Variants in GNAL observed in about 807,000 individuals in gnomAD.
The protein encoded by GNAL is G protein subunit alpha L.
Under a neutral mutation model 55.1 loss-of-function variants are expected in GNAL, and 18 were observed. The ratio of observed to expected loss-of-function variants is 0.33; its 90% CI spans 0.23 to 0.48. GNAL has a LOEUF of 0.48. Ranked by LOEUF, GNAL falls within the 20% of genes least tolerant of loss-of-function variation. The probability of loss-of-function intolerance (pLI) is 0.99; values close to 1 mark genes in which losing one functional copy is unlikely to be tolerated. For synonymous variants in GNAL, 253 were observed against 237.0 expected (o/e 1.07, Z -0.62); for missense variants, 412 against 614.1 (o/e 0.67, Z 3.48).
rs1282273831 is a variant in GNAL at position 11,876,688 on chromosome 18, G to A, written c.1230G>A (p.Leu410=). Residue 410 remains leucine, a splice_region_variant and synonymous_variant, in exon 11 of 12, where the codon TTG becomes TTA. Coordinates refer to ENST00000334049, the MANE Select transcript of GNAL (RefSeq NM_182978.4). ...AGTTCTTTATCCGGGACCTGTTTTT[G>A]GTAAGCAATTTTGTTAACCTTTGTT... The part of the protein sequence containing the change: ...RAKFFIRDLF[L]RISTATGDGK... 1 of 1,585,552 alleles carries A rather than the reference G, an allele frequency of 6.3e-7. No homozygotes were observed. Among genetic ancestry groups the A allele is most frequent in the African/African-American group, 1.3e-5 (1 of 74,412 alleles).
rs1008171862 is a variant in GNAL, at chr18:11,717,364, C to T, written c.376+27425C>T. On this transcript the variant is annotated intron_variant, in intron 1 of 11. Coordinates refer to ENST00000334049, the MANE Select transcript of GNAL (RefSeq NM_182978.4). ...GAAGGGGGCTCCCACAGTGCAGTGG[C>T]GGGTTGAAGGGCTCCTCAAGTGCCG... Among the ~76,000 whole-genome samples, 12 of 152,318 alleles carry T rather than the reference C, an allele frequency of 7.9e-5. No homozygotes were observed. The East Asian group carries it at 1.5e-3, about 20-fold the overall frequency.
At chr18:11,729,154 T>C (rs2076038993) in intron 1 of GNAL, among the ~76,000 whole-genome samples, 1 of 152,158 alleles carries the variant, frequency 6.6e-6, no homozygotes, top group Admixed American at 6.6e-5. Context: ...ATTTAGAATA[T>C]GAAGACTGTG....
At chr18:11,719,476 G>A (rs1269609655) in intron 1 of GNAL, among the ~76,000 whole-genome samples, 1 of 152,144 alleles carries the variant, frequency 6.6e-6, no homozygotes, top group Non-Finnish European at 1.5e-5. Context: ...TGATGACACT[G>A]GCATTTTATT....
At position 11,752,349 on chromosome 18, in the gene GNAL, G is replaced by A. The variant is rs2032874700; in HGVS notation, c.377-504G>A. On this transcript the variant is annotated intron_variant, in intron 1 of 11. Transcript: ENST00000334049. This position sits in a 1 kb window ranked among gnomAD's most constrained non-coding sequence, Gnocchi z 4.5. The stretch of plus-strand genomic sequence containing the variant: ...TTCAGCAGCAGGAAAGAGAGGAGCC[G>A]TCGCAGGAGCCGCACACGTCTCCAA... 2 of 1,499,186 alleles carry A rather than the reference G, an allele frequency of 1.3e-6. No homozygotes were observed. Among genetic ancestry groups the A allele is most frequent in the African/African-American group, 2.9e-5 (2 of 68,632 alleles). The allele number at this position is 1,499,186 out of a possible 1,614,324, so 92.9% of individuals were successfully genotyped here.
intron 4 of GNAL, among the ~76,000 whole-genome samples, chr18:11,803,537 T>C (rs2034572575): frequency 6.6e-6 from 1 of 152,368 alleles, no homozygotes; most frequent in Middle Eastern, 3.4e-3. Context: ...TATATTATCT[T>C]TATTATTATT....
chr18:11,864,724 A>G lies in GNAL; in HGVS notation c.851+118A>G, dbSNP rs2855642. 67,068 of 701,764 alleles carry G rather than the reference A, an allele frequency of 0.096. 4,217 individuals carry two copies. Among genetic ancestry groups the G allele is most frequent in the African/African-American group, 0.24 (13,651 of 57,114 alleles). 43.5% of individuals were successfully genotyped at this position (701,764 alleles called of 1,614,324 possible). A position where few individuals can be genotyped will look rare whatever the true frequency, so the allele number is the denominator to read the frequency against. ...GTGCATGGCAGCCCTTTCAGGTAAG[A>G]GCAGCTGGGGTGAAATTTGAACTCT... On this transcript the variant is annotated intron_variant, in intron 7 of 11. Coordinates refer to ENST00000334049, the MANE Select transcript of GNAL (RefSeq NM_182978.4).
chr18:11,865,939 G>T (rs1237911872), intron 7 of GNAL, among the ~76,000 whole-genome samples: 1 of 149,046 alleles, frequency 6.7e-6, no homozygotes, highest in African/African-American at 2.6e-5. Flanking sequence ...GTCCCTTAAA[G>T]CAAGAGTTTC....
chr18:11,794,164 G>A (rs1411129092), intron 4 of GNAL, among the ~76,000 whole-genome samples: 1 of 152,204 alleles, frequency 6.6e-6, no homozygotes, highest in Middle Eastern at 3.2e-3. Context: ...GTGCAGAATG[G>A]TGTAGCCACT....
rs1435644275 is a variant in GNAL at position 11,691,095 on chromosome 18, A to G, written c.376+1156A>G. 5.3e-5 allele frequency among the ~76,000 whole-genome samples: 8 copies of G among 150,314 alleles called. No homozygotes were observed. In the East Asian group the frequency reaches 1.4e-3, roughly 25 times the overall value. ...CCACCAACAGTGTAAAAGTGTTCCT[A>G]TTTCTCCACATCCTCTCCAGCACCT... On this transcript the variant is annotated intron_variant, in intron 1 of 11. Transcript: ENST00000334049.
intron 1 of GNAL, chr18:11,747,050 T>C: frequency 2.2e-6 from 1 of 457,446 alleles, no homozygotes; most frequent in Admixed American, 2.3e-5. Context: ...TTATGTATAT[T>C]TTCATGAGGC....
intron 1 of GNAL, among the ~76,000 whole-genome samples, chr18:11,692,576 G>C (rs2031283922): frequency 6.6e-6 from 1 of 151,996 alleles, no homozygotes; most frequent in East Asian, 1.9e-4. Flanking sequence ...GGATATGCAA[G>C]TACTCAAAGT....
chr18:11,874,594 CA>C (rs550351415), intron 10 of GNAL, among the ~76,000 whole-genome samples: 1 of 25,988 alleles, frequency 3.8e-5, no homozygotes, highest in Admixed American at 3.9e-4. Context: ...GGCTCCGTCT[CA>C]AAAAAACAAA....
At chr18:11,723,313 T>A (rs1598412137) in intron 1 of GNAL, among the ~76,000 whole-genome samples, 1 of 152,244 alleles carries the variant, frequency 6.6e-6, no homozygotes, top group African/African-American at 2.4e-5. Flanking sequence ...TTCGTATAGT[T>A]CTCACATGTC....
At chr18:11,792,122 C>T (rs1017512697) in intron 4 of GNAL, among the ~76,000 whole-genome samples, 3 of 152,142 alleles carry the variant, frequency 2.0e-5, no homozygotes, top group African/African-American at 7.2e-5. Flanking sequence ...GGCACCATAG[C>T]TTTGGTCACG....
At chr18:11,793,010 T>A (rs1006472088) in intron 4 of GNAL, among the ~76,000 whole-genome samples, 1 of 152,216 alleles carries the variant, frequency 6.6e-6, no homozygotes, top group African/African-American at 2.4e-5. Flanking sequence ...TTACTCCATA[T>A]GCAAAAATTA....
chr18:11,703,400 C>T (rs147798265), intron 1 of GNAL, among the ~76,000 whole-genome samples: 63 of 152,166 alleles, frequency 4.1e-4, no homozygotes, highest in African/African-American at 1.3e-3. Flanking sequence ...AATATAGAAA[C>T]GTGTTATTTG....
At chr18:11,746,165 T>C in intron 1 of GNAL, 1 of 546,984 alleles carries the variant, frequency 1.8e-6, no homozygotes, top group Non-Finnish European at 3.7e-6. Context: ...TAAAGGCAAA[T>C]GGCAAAGTTG....
chr18:11,807,779 C>T (rs1483613007), intron 4 of GNAL, among the ~76,000 whole-genome samples: 1 of 152,004 alleles, frequency 6.6e-6, no homozygotes, highest in Admixed American at 6.5e-5. Flanking sequence ...CCAGCACCAA[C>T]CCTGGATCCC....
intron 1 of GNAL, among the ~76,000 whole-genome samples, chr18:11,699,576 A>G (rs1361684402): frequency 6.6e-6 from 1 of 151,258 alleles, no homozygotes; most frequent in Non-Finnish European, 1.5e-5. Context: ...GGTTGGCTTT[A>G]AGCTGAAACC....
Sources: allele counts gnomAD v4.1 joint callset (sites outside exome capture counted in the v4.1 genomes callset), GRCh38; gene constraint gnomAD v4.1.1; non-coding constraint Gnocchi (gnomAD v3.1); transcripts MANE v1.5; gene names NCBI Gene and HGNC (gene_info 2026-07-23, HGNC 2026-07-21).